The following ENTREP2 variants were observed in gnomAD, a reference collection of about 807,000 sequenced individuals.
The protein encoded by ENTREP2 is protein ENTREP2.
the ENTREP2 span, chr15:29,128,952 C>T: frequency 2.4e-6 from 2 of 819,632 alleles, no homozygotes; most frequent in Non-Finnish European, 3.8e-6. Flanking sequence ...TTAAACTTGT[C>T]TCCTGGTGGG....
the ENTREP2 span, among the ~76,000 whole-genome samples, chr15:29,668,022 C>A: frequency 7.2e-5 from 11 of 152,192 alleles, no homozygotes; most frequent in East Asian, 2.1e-3. Context: ...AGAAGACACC[C>A]ATTGCTCCTG....
the ENTREP2 span, among the ~76,000 whole-genome samples, chr15:29,355,501 C>CA: frequency 3.1e-5 from 4 of 129,290 alleles, no homozygotes; most frequent in African/African-American, 8.1e-5. Flanking sequence ...CAGAGTGATA[C>CA]AAATAAAAAA....
At chr15:29,385,129 C>CT in the ENTREP2 span, among the ~76,000 whole-genome samples, 1 of 152,146 alleles carries the variant, frequency 6.6e-6, no homozygotes, top group Admixed American at 6.5e-5. Context: ...AGATTGAACG[C>CT]CTTGACCTCT....
the ENTREP2 span, among the ~76,000 whole-genome samples, chr15:29,245,908 G>A: frequency 6.6e-6 from 1 of 152,188 alleles, no homozygotes; most frequent in East Asian, 1.9e-4. Flanking sequence ...TGTTTGGAGA[G>A]CAATTTAGGA....
chr15:29,152,230 T>C, the ENTREP2 span, among the ~76,000 whole-genome samples: 1 of 152,344 alleles, frequency 6.6e-6, no homozygotes, highest in South Asian at 2.1e-4. Flanking sequence ...CATGCAATTG[T>C]AAGAAATCCT....
chr15:29,516,968 C>CAAAAAA, the ENTREP2 span, among the ~76,000 whole-genome samples: 2 of 88,650 alleles, frequency 2.3e-5, no homozygotes, highest in African/African-American at 9.0e-5. Flanking sequence ...AATTATGAGC[C>CAAAAAA]AAAAAAAAAA....
At chr15:29,577,675 G>A in the ENTREP2 span, among the ~76,000 whole-genome samples, 1 of 152,138 alleles carries the variant, frequency 6.6e-6, no homozygotes, top group African/African-American at 2.4e-5. Flanking sequence ...AAAGGTGGAA[G>A]CAAACCAAGT....
chr15:29,151,704 C>T, the ENTREP2 span: 14 of 1,504,756 alleles, frequency 9.3e-6, no homozygotes, highest in Middle Eastern at 6.8e-4. Flanking sequence ...TTTCAAACCG[C>T]GCAGAGGAGG....
the ENTREP2 span, among the ~76,000 whole-genome samples, chr15:29,498,786 T>C: frequency 6.6e-6 from 1 of 152,304 alleles, no homozygotes; most frequent in Admixed American, 6.5e-5. Context: ...TTGCTGTCTA[T>C]TTCTCCTTTC....
chr15:29,184,173 C>G, the ENTREP2 span, among the ~76,000 whole-genome samples: 1 of 152,106 alleles, frequency 6.6e-6, no homozygotes, highest in Non-Finnish European at 1.5e-5. Flanking sequence ...TTAGTAGACA[C>G]GGGGTTTTGC....
At chr15:29,460,206 C>T in the ENTREP2 span, among the ~76,000 whole-genome samples, 2 of 152,040 alleles carry the variant, frequency 1.3e-5, no homozygotes, top group South Asian at 4.2e-4. Context: ...GAGCCACGAT[C>T]GCACCACTGC....
the ENTREP2 span, among the ~76,000 whole-genome samples, chr15:29,320,914 ATATATG>A: frequency 2.6e-5 from 4 of 152,220 alleles, no homozygotes; most frequent in Admixed American, 6.5e-5. Flanking sequence ...AGAAAGTGTA[ATATATG>A]TATAACAGGA....
chr15:29,662,579 C>T, the ENTREP2 span, among the ~76,000 whole-genome samples: 1 of 152,192 alleles, frequency 6.6e-6, no homozygotes. Context: ...AGAAGACTCC[C>T]TCTTCTTCTC....
chr15:29,281,825 C>T, the ENTREP2 span, among the ~76,000 whole-genome samples: 2 of 152,164 alleles, frequency 1.3e-5, no homozygotes, highest in Admixed American at 6.5e-5. Context: ...CTGGTGAAGC[C>T]GTGCCAACCC....
At chr15:29,271,274 G>T in the ENTREP2 span, among the ~76,000 whole-genome samples, 1 of 152,138 alleles carries the variant, frequency 6.6e-6, no homozygotes, top group South Asian at 2.1e-4. Flanking sequence ...AAATTCATCT[G>T]CTTCAGTTTC....
chr15:29,530,827 AT>A, the ENTREP2 span, among the ~76,000 whole-genome samples: 2 of 152,236 alleles, frequency 1.3e-5, no homozygotes, highest in Non-Finnish European at 2.9e-5. Flanking sequence ...TAGCAAAAAC[AT>A]CATGACAAAG....
the ENTREP2 span, chr15:29,123,373 GCCT>G: frequency 2.6e-6 from 4 of 1,543,488 alleles, no homozygotes; most frequent in East Asian, 2.5e-5. Context: ...GCCGAAGACG[GCCT>G]CCTCCTCGAG....
chr15:29,300,084 G>A, the ENTREP2 span, among the ~76,000 whole-genome samples: 1 of 151,252 alleles, frequency 6.6e-6, no homozygotes, highest in Non-Finnish European at 1.5e-5. Context: ...CAGATGGATG[G>A]GTAAATGAAT....
At chr15:29,566,846 T>TACACAC in the ENTREP2 span, among the ~76,000 whole-genome samples, 2,879 of 146,118 alleles carry the variant, frequency 0.02, 57 homozygotes, top group African/African-American at 0.05. Flanking sequence ...AAAGGAAAAA[T>TACACAC]ACACACACAC....
Sources: allele counts gnomAD v4.1 joint callset (sites outside exome capture counted in the v4.1 genomes callset), GRCh38; gene constraint gnomAD v4.1.1; transcripts MANE v1.5; gene names NCBI Gene and HGNC (gene_info 2026-07-23, HGNC 2026-07-21).